DNAH9: variants seen among roughly 807,000 people sequenced by gnomAD.
DNAH9 encodes DNAH9 variant protein.
In DNAH9, 345 loss-of-function variants were observed where a neutral mutation model predicts 471.6. The ratio of observed to expected loss-of-function variants is 0.73; its 90% CI spans 0.67 to 0.80. The LOEUF (loss-of-function observed/expected upper bound fraction) is 0.80. Ranked by LOEUF, DNAH9 falls within the 30% of genes least tolerant of loss-of-function variation. DNAH9 has a pLI of 0.00. For missense variants in DNAH9, 5,407 were observed against 5,609.2 expected (o/e 0.96, Z 1.15); for synonymous variants, 2,093 against 2,123.6 (o/e 0.99, Z 0.40).
rs187580919 is a variant in DNAH9 at position 11,958,223 on chromosome 17, A to C, written c.12844-3644A>C. Among the ~76,000 whole-genome samples, 355 of 152,338 alleles carry C rather than the reference A, an allele frequency of 2.3e-3. 1 individual carries two copies. Among genetic ancestry groups the C allele is most frequent in the Admixed American group, 5.1e-3 (78 of 15,290 alleles). On this transcript the variant is annotated intron_variant, in intron 67 of 68. Transcript: ENST00000262442. The stretch of plus-strand genomic sequence containing the variant: ...CATTCTGAAAAATGGAAAACAATGG[A>C]GGCAGTAAAAACACTGGTTGCCCAG...
rs769854955 is a variant in DNAH9 at position 11,738,884 on chromosome 17, A to G, written c.5819A>G (p.Lys1940Arg). The stretch of plus-strand genomic sequence containing the variant: ...GCTGATTGATTGGTTCACCAGGTAA[A>G]AAGCATTCAAGATGCGATTAGAGAT... ...EVLSVVAVQV[K>R]SIQDAIRDKK... is the part of the protein sequence containing the mutation. Residue 1940 changes from lysine to arginine, a missense_variant, in exon 29 of 69, where the codon AAA (lysine) becomes AGA (arginine). Physicochemically the swap from Lys to Arg is conservative, Grantham distance 26. This residue lies in a region of DNAH9 where 4,636 missense variants were observed against 4,900.3 expected (regional missense o/e 0.95). Coordinates refer to ENST00000262442, the MANE Select transcript of DNAH9 (RefSeq NM_001372.4). 3 of 1,613,962 alleles carry G rather than the reference A, an allele frequency of 1.9e-6. No homozygotes were observed. Among genetic ancestry groups the G allele is most frequent in the South Asian group, 2.2e-5 (2 of 91,032 alleles).
chr17:11,835,510 G>A (rs1436823145), intron 49 of DNAH9, among the ~76,000 whole-genome samples: 1 of 152,160 alleles, frequency 6.6e-6, no homozygotes, highest in Non-Finnish European at 1.5e-5. Context: ...GAGGGCACGA[G>A]GCTTAGCCAC....
chr17:11,942,347 G>A lies in DNAH9; in HGVS notation c.12705G>A (p.Glu4235=). The A allele has an allele frequency of 6.2e-7, 1 of 1,614,188 alleles. No individual in the cohort carries two copies. Among genetic ancestry groups the A allele is most frequent in the African/African-American group, 1.3e-5 (1 of 75,058 alleles). ...LEEILERVTD[E]FNIPELMAKV... ...AAATATTGGAGCGGGTGACAGACGA[G>A]TTTAACATCCCAGAACTGATGGCCA... Residue 4235 remains glutamate (E), a synonymous_variant, in exon 67 of 69, where the codon GAG becomes GAA. Coordinates refer to ENST00000262442, the MANE Select transcript of DNAH9 (RefSeq NM_001372.4).
chr17:11,635,351 T>TA (rs2073141931), intron 8 of DNAH9, among the ~76,000 whole-genome samples: 2 of 133,976 alleles, frequency 1.5e-5, no homozygotes, highest in Admixed American at 7.4e-5. Flanking sequence ...TTTTTTTTTT[T>TA]TTTTTTTTTT....
At chr17:11,926,035 G>GAAAAAAAAAAAAAAAAAAAAAAAAAAAAA (rs71142253) in intron 62 of DNAH9, among the ~76,000 whole-genome samples, 3 of 59,896 alleles carry the variant, frequency 5.0e-5, no homozygotes, top group African/African-American at 1.6e-4. Context: ...GAGATTCTCT[G>GAAAAAAAAAAAAAAAAAAAAAAAAAAAAA]AAAAAAAAAA....
At chr17:11,640,955 T>A (rs1407224745) in intron 10 of DNAH9, among the ~76,000 whole-genome samples, 1 of 151,976 alleles carries the variant, frequency 6.6e-6, no homozygotes, top group African/African-American at 2.4e-5. Flanking sequence ...GGTTAGAAGC[T>A]GAGATAGAAG....
intron 14 of DNAH9, among the ~76,000 whole-genome samples, chr17:11,656,730 T>C (rs1302004827): frequency 6.6e-6 from 1 of 152,174 alleles, no homozygotes; most frequent in Non-Finnish European, 1.5e-5. Flanking sequence ...AAAGTTCACC[T>C]GTCCCTCTTT....
At chr17:11,679,694 A>G (rs767393952) in intron 17 of DNAH9, 63 bp from the exon 18 acceptor site, 37 of 1,194,720 alleles carry the variant, frequency 3.1e-5, no homozygotes, top group Non-Finnish European at 4.4e-5. Flanking sequence ...GGGGAAATCA[A>G]TACATCTGCC....
At position 11,834,633 on chromosome 17, in the gene DNAH9, T is replaced by A; in HGVS notation, c.9247-5T>A. 1 of 1,613,878 alleles carries A rather than the reference T, an allele frequency of 6.2e-7. No individual in the cohort carries two copies. The highest frequency in any genetic ancestry group is 8.5e-7 in the Non-Finnish European group (1 of 1,179,986). ...CCTGATAAGTCCCGTGCTTCTCCAA[T>A]GCAGGTGGATGATCTGAAAGCAAAG... On this transcript the variant is annotated splice_region_variant and splice_polypyrimidine_tract_variant and intron_variant, in intron 48 of 68. Coordinates refer to ENST00000262442, the MANE Select transcript of DNAH9 (RefSeq NM_001372.4).
At position 11,694,013 on chromosome 17, in the gene DNAH9, A is replaced by T. The variant is rs1327239971; in HGVS notation, c.4745+15A>T. 1 of 1,609,704 alleles carries T rather than the reference A, an allele frequency of 6.2e-7. No individual in the cohort carries two copies. The highest frequency in any genetic ancestry group is 2.2e-5 in the East Asian group (1 of 44,836). On this transcript the variant is annotated intron_variant, in intron 21 of 68. Transcript: ENST00000262442. Reference sequence around the variant, plus strand: ...ATTCAGGGCAGGTGAGGGTCCGCCCATTACCCCTTCTCTAATAAGAAGGCA... The same window carrying T: ...ATTCAGGGCAGGTGAGGGTCCGCCCTTTACCCCTTCTCTAATAAGAAGGCA...
chr17:11,646,156 G>T (rs1181993700), intron 11 of DNAH9, among the ~76,000 whole-genome samples: 1 of 151,286 alleles, frequency 6.6e-6, no homozygotes, highest in Non-Finnish European at 1.5e-5. Context: ...TGGGATTACA[G>T]GTGTGAGCCA....
intron 3 of DNAH9, 124 bp from the exon 4 acceptor site, chr17:11,611,526 G>A (rs2072636376): frequency 3.0e-6 from 3 of 986,360 alleles, no homozygotes; most frequent in Non-Finnish European, 4.6e-6. Flanking sequence ...TTGGGCTGGA[G>A]CACAGCCTCT....
intron 1 of DNAH9, among the ~76,000 whole-genome samples, chr17:11,605,674 A>ATTTT (rs59748847): frequency 0.42 from 60,871 of 144,670 alleles, 13,599 homozygotes; most frequent in Non-Finnish European, 0.51. Flanking sequence ...CAATTTTTCT[A>ATTTT]TTTTTTTTTT....
chr17:11,598,992 G>T, intron 1 of DNAH9, 77 bp downstream of exon 1: 1 of 1,131,120 alleles, frequency 8.8e-7, no homozygotes, highest in Non-Finnish European at 1.2e-6. Flanking sequence ...GACGGAGGCG[G>T]GGCCAGAGGG....
At chr17:11,747,839 G>T in intron 32 of DNAH9, 73 bp downstream of exon 32, 1 of 1,331,970 alleles carries the variant, frequency 7.5e-7, no homozygotes, top group Non-Finnish European at 1.1e-6. Flanking sequence ...GGATGCAGTT[G>T]GGTGAATTGC....
intron 19 of DNAH9, among the ~76,000 whole-genome samples, chr17:11,689,063 C>T (rs1477577022): frequency 2.0e-5 from 3 of 151,928 alleles, no homozygotes; most frequent in Non-Finnish European, 4.4e-5. Flanking sequence ...CCACTGCACT[C>T]CAGCCTGGGC....
chr17:11,608,390 T>C lies in DNAH9; in HGVS notation c.614+65T>C. The C allele has an allele frequency of 3.1e-6, 4 of 1,291,134 alleles. No homozygotes were observed. In the South Asian group the frequency reaches 5.3e-5, roughly 17 times the overall value. The allele number at this position is 1,291,134 out of a possible 1,614,324, so 80.0% of individuals were successfully genotyped here. On this transcript the variant is annotated intron_variant, in intron 2 of 68. Coordinates refer to ENST00000262442, the MANE Select transcript of DNAH9 (RefSeq NM_001372.4). ...TGGGAGATGCTGGTTATCAGAATGT[T>C]TTCCTTACAACTTTTCTGTTCCTGA... is the stretch of plus-strand genomic sequence containing the variant.
intron 42 of DNAH9, 61 bp downstream of exon 42, chr17:11,793,725 G>A: frequency 8.1e-7 from 1 of 1,231,822 alleles, no homozygotes; most frequent in Non-Finnish European, 1.1e-6. Context: ...TTATACAGAT[G>A]ATCACCCAAT....
At chr17:11,741,171 A>G (rs2075428114) in intron 29 of DNAH9, among the ~76,000 whole-genome samples, 1 of 152,224 alleles carries the variant, frequency 6.6e-6, no homozygotes, top group South Asian at 2.1e-4. Flanking sequence ...GCTCGAATGA[A>G]ATGTTTTTGA....
Sources: allele counts gnomAD v4.1 joint callset (sites outside exome capture counted in the v4.1 genomes callset), GRCh38; gene constraint gnomAD v4.1.1; regional missense constraint gnomAD v4.1.1; transcripts MANE v1.5; gene names NCBI Gene and HGNC (gene_info 2026-07-23, HGNC 2026-07-21).